AHNAK: variants seen among roughly 807,000 people sequenced by gnomAD.
The protein encoded by AHNAK is neuroblast differentiation-associated protein AHNAK.
AHNAK carries 23 observed loss-of-function variants against 37.8 expected under a neutral mutation model. The ratio of observed to expected loss-of-function variants is 0.61; its 90% CI spans 0.44 to 0.86. The LOEUF (loss-of-function observed/expected upper bound fraction) is 0.86. AHNAK is among the 40% of genes least tolerant of loss of function. AHNAK has a pLI of 0.00. For synonymous variants in AHNAK, 2,481 were observed against 2,636.3 expected (o/e 0.94, Z 1.80); for missense variants, 7,411 against 7,319.4 (o/e 1.01, Z -0.46).
chr11:62,466,469 A>ATTTTTTTTT (rs67385747), intron 5 of AHNAK, among the ~76,000 whole-genome samples: 18 of 135,766 alleles, frequency 1.3e-4, no homozygotes, highest in African/African-American at 4.7e-4. Context: ...TAAAGTTTTG[A>ATTTTTTTTT]TTTTTTTTTT....
intron 5 of AHNAK, among the ~76,000 whole-genome samples, chr11:62,453,545 C>T (rs552085287): frequency 1.3e-5 from 2 of 152,308 alleles, no homozygotes; most frequent in Middle Eastern, 6.8e-3. Flanking sequence ...GATTCGAACC[C>T]AGGACCTGAA....
chr11:62,533,165 G>A lies in AHNAK; in HGVS notation c.1252C>T (p.Pro418Ser). 6.5e-7 allele frequency: 1 copy of A among 1,535,692 alleles called. No individual in the cohort carries two copies. Among genetic ancestry groups the A allele is most frequent in the Non-Finnish European group, 8.7e-7 (1 of 1,147,488 alleles). Residue 418 changes from proline (P) to serine (S), a missense_variant, in exon 5 of 5, where the codon CCT becomes TCT. Coordinates refer to ENST00000378024, the MANE Select transcript of AHNAK (RefSeq NM_001620.3). ...ITGPSVEVQA[P>S]DIDVQGPGSK... Reference sequence around the variant, plus strand: ...CCAGGCCCCTGAACATCAATGTCAGGGGCCTGAACTTCCACACTGGGGCCA... The same window carrying A: ...CCAGGCCCCTGAACATCAATGTCAGAGGCCTGAACTTCCACACTGGGGCCA...
intron 5 of AHNAK, among the ~76,000 whole-genome samples, chr11:62,484,051 A>AT (rs1372086726): frequency 1.8e-4 from 27 of 150,576 alleles, no homozygotes; most frequent in Admixed American, 3.3e-4. Context: ...AAAAAAAAAA[A>AT]AAAAAGAAAG....
chr11:62,541,668 T>A (rs1345582499), intron 1 of AHNAK, among the ~76,000 whole-genome samples: 1 of 152,168 alleles, frequency 6.6e-6, no homozygotes, highest in Non-Finnish European at 1.5e-5. Context: ...GTTGGCAACA[T>A]CCCATGCCTG....
chr11:62,520,484 C>G lies in AHNAK; in HGVS notation c.13933G>C (p.Gly4645Arg). ...DIDVPDVDVQ[G>R]PDWHLKMPKV... ...GGCATTTTTAGGTGCCAGTCTGGGC[C>G]TTGAACGTCCACATCTGGGACATCA... The change falls in exon 5 of 5, where the codon GGC becomes CGC. Residue 4645 changes from glycine (G) to arginine (R), a missense_variant. Physicochemically the swap from Gly to Arg is moderately radical, Grantham distance 125. Transcript: ENST00000378024. 1 of 1,614,136 alleles carries G rather than the reference C, an allele frequency of 6.2e-7. No homozygotes were observed. Among genetic ancestry groups the G allele is most frequent in the Non-Finnish European group, 8.5e-7 (1 of 1,180,048 alleles).
rs1375610514 is a variant in AHNAK at position 62,530,337 on chromosome 11, T to C, written c.4080A>G (p.Lys1360=). The change falls in exon 5 of 5, where the codon AAA becomes AAG. Residue 1360 remains lysine (K), a synonymous_variant. Coordinates refer to ENST00000378024, the MANE Select transcript of AHNAK (RefSeq NM_001620.3). ...GEMKVPDVDI[K]GPKVDISAPD... is the part of the protein sequence containing the mutation. ...GAGCACTAATGTCAACTTTGGGCCC[T>C]TTAATGTCAACATCTGGCACTTTCA... The C allele has an allele frequency of 1.9e-6, 3 of 1,613,874 alleles. No homozygotes were observed. The Admixed American group carries it at 5.0e-5, about 27-fold the overall frequency.
In AHNAK at chr11:62,520,846, A is replaced by G. The variant is rs201549203; in HGVS notation, c.13571T>C (p.Ile4524Thr). ...CTTAGGTCCTTTCAAATTCAAATCA[A>G]TGTCACTCATGGAGATTTGTGGGCT... ...FKSPQISMSDIDLNLKGPKIK... is the reference protein window; with the variant it reads ...FKSPQISMSDTDLNLKGPKIK... Residue 4524 changes from isoleucine (I) to threonine (T), a missense_variant, in exon 5 of 5, where the codon ATT becomes ACT. Ile to Thr is a moderately conservative substitution (Grantham distance 89). Transcript: ENST00000378024. The G allele has an allele frequency of 1.5e-5, 24 of 1,614,120 alleles. No individual in the cohort carries two copies. The highest frequency in any genetic ancestry group is 1.9e-5 in the Non-Finnish European group (23 of 1,180,024).
At chr11:62,469,885 A>G (rs1389437700) in intron 5 of AHNAK, among the ~76,000 whole-genome samples, 1 of 152,258 alleles carries the variant, frequency 6.6e-6, no homozygotes, top group African/African-American at 2.4e-5. Flanking sequence ...AGTGGACAAG[A>G]TAGGAAAAAC....
At position 62,529,368 on chromosome 11, in the gene AHNAK, T is replaced by C. The variant is rs746845177; in HGVS notation, c.5049A>G (p.Lys1683=). The C allele has an allele frequency of 6.2e-7, 1 of 1,614,048 alleles. No homozygotes were observed. Among genetic ancestry groups the C allele is most frequent in the East Asian group, 2.2e-5 (1 of 44,846 alleles). The stretch of plus-strand genomic sequence containing the variant: ...GCCCTTTAATGTCAACATCTGGCAC[T>C]TTCATTTCACCTTCTACCTTGGGCA... ...VSVPKVEGEM[K]VPDVDIKGPK... is the part of the protein sequence containing the mutation. Residue 1683 remains lysine (K), a synonymous_variant, in exon 5 of 5, where the codon AAA becomes AAG. Coordinates refer to ENST00000378024, the MANE Select transcript of AHNAK (RefSeq NM_001620.3).
chr11:62,518,474 G>C lies in AHNAK; in HGVS notation c.15943C>G (p.Leu5315Val). The C allele has an allele frequency of 6.2e-7, 1 of 1,614,064 alleles. No individual in the cohort carries two copies. Among genetic ancestry groups the C allele is most frequent in the Non-Finnish European group, 8.5e-7 (1 of 1,179,998 alleles). ...TTCATGCTGGGAACAGATGCATCCAGGTCTCCCTTCAAACTTGGTCCTTTC... is the reference window on the plus strand; with the variant it reads ...TTCATGCTGGGAACAGATGCATCCACGTCTCCCTTCAAACTTGGTCCTTTC... ...NLKGPSLKGD[L>V]DASVPSMKVH... The change falls in exon 5 of 5, where the codon CTG (leucine) becomes GTG (valine). Residue 5315 changes from leucine to valine, a missense_variant. Physicochemically the swap from Leu to Val is conservative, Grantham distance 32. Coordinates refer to ENST00000378024, the MANE Select transcript of AHNAK (RefSeq NM_001620.3).
At position 62,517,749 on chromosome 11, in the gene AHNAK, A is replaced by C. The variant is rs1017234190; in HGVS notation, c.16668T>G (p.Asp5556Glu). The change falls in exon 5 of 5, where the codon GAT becomes GAG. Residue 5556 changes from aspartate (D) to glutamate (E), a missense_variant. Physicochemically the swap from Asp to Glu is conservative, Grantham distance 45 (BLOSUM62 2). Transcript: ENST00000378024. ...TTGGGCCCTTCAAGTTGATGCCAAA[A>C]TCTGACTCAGGAGATGCCATATTAA... is the stretch of plus-strand genomic sequence containing the variant. ...PAFNMASPES[D>E]FGINLKGPKI... 3.7e-6 allele frequency: 6 copies of C among 1,614,078 alleles called. No individual in the cohort carries two copies. In the Admixed American group the frequency reaches 1.0e-4, roughly 27 times the overall value.
Position 62,528,193 on chromosome 11 carries a change from G to A in AHNAK, c.6224C>T (p.Ala2075Val). ...GPEVDVNLPK[A>V]DVVVSGPKVD... ...CTTGGGTCCTGAGACAACAACATCA[G>A]CCTTGGGCAAGTTCACATCCACTTC... The change falls in exon 5 of 5, where the codon GCT becomes GTT. Residue 2075 changes from alanine to valine, a missense_variant. Ala to Val is a moderately conservative substitution (Grantham distance 64, BLOSUM62 0). Transcript: ENST00000378024. The A allele has an allele frequency of 6.2e-7, 1 of 1,613,944 alleles. No homozygotes were observed. Among genetic ancestry groups the A allele is most frequent in the Non-Finnish European group, 8.5e-7 (1 of 1,180,012 alleles).
chr11:62,501,140 A>G (rs1361034181), intron 4 of AHNAK, among the ~76,000 whole-genome samples: 1 of 151,972 alleles, frequency 6.6e-6, no homozygotes, highest in African/African-American at 2.4e-5. Context: ...TGAGCCCAGA[A>G]GGTGGAGTGG....
chr11:62,481,844 C>T (rs754707730), intron 5 of AHNAK, among the ~76,000 whole-genome samples: 24 of 152,106 alleles, frequency 1.6e-4, no homozygotes, highest in Non-Finnish European at 2.4e-4. Flanking sequence ...GGATTACAGG[C>T]GTGAACCACC....
intron 5 of AHNAK, among the ~76,000 whole-genome samples, chr11:62,465,334 G>A (rs1421824556): frequency 1.3e-5 from 2 of 152,148 alleles, no homozygotes; most frequent in African/African-American, 4.8e-5. Context: ...CCGTGCGGTC[G>A]CTGGGCATGG....
chr11:62,520,644 C>T lies in AHNAK; in HGVS notation c.13773G>A (p.Pro4591=), dbSNP rs1207343719. 3.7e-6 allele frequency: 6 copies of T among 1,613,718 alleles called. No individual in the cohort carries two copies. The highest frequency in any genetic ancestry group is 1.1e-5 in the South Asian group (1 of 91,058). Residue 4591 remains proline (P), a synonymous_variant, in exon 5 of 5, where the codon CCG becomes CCA. Transcript: ENST00000378024. ...FKMPDLHLKA[P]KISMPEVDLN... ...GGTCAACTTCAGGCATAGAGATCTT[C>T]GGTGCCTTGAGGTGTAAGTCAGGCA...
rs1939611160 is a variant in AHNAK at position 62,496,522 on chromosome 11, A to G, written c.343-4691T>C. Among the ~76,000 whole-genome samples, 5 of 152,150 alleles carry G rather than the reference A, an allele frequency of 3.3e-5. No homozygotes were observed. The South Asian group carries it at 8.3e-4, about 25-fold the overall frequency. On this transcript the variant is annotated intron_variant, in intron 4 of 5. Coordinates refer to the AHNAK transcript ENST00000257247. ...TAATCTTGAAAGCAGGTTGGCCGGG[A>G]GCGGTGGCTCACACCTGTAATCCCA...
chr11:62,433,723 A>T (rs78106831), exon 6 of AHNAK: 1 of 900,028 alleles, frequency 1.1e-6, no homozygotes. Context: ...AGCTATAAAC[A>T]TGCATGCTCC....
intron 5 of AHNAK, among the ~76,000 whole-genome samples, chr11:62,446,190 C>T (rs977733948): frequency 6.6e-6 from 1 of 152,062 alleles, no homozygotes; most frequent in Non-Finnish European, 1.5e-5. Context: ...TGCCAACCCA[C>T]CCCTCTGCAG....
Sources: gnomAD v4.1 joint callset for allele counts (sites outside exome capture counted in the v4.1 genomes callset) on GRCh38, gnomAD v4.1.1 for gene constraint, MANE v1.5 for transcripts, NCBI Gene and HGNC (gene_info 2026-07-23, HGNC 2026-07-21) for gene names.